LRP12: variants seen among roughly 807,000 people sequenced by gnomAD.
The protein encoded by LRP12 is LDL receptor related protein 12.
Under a neutral mutation model 66.0 loss-of-function variants are expected in LRP12, and 14 were observed. The ratio of observed to expected loss-of-function variants is 0.21; its 90% CI spans 0.14 to 0.33. The LOEUF (loss-of-function observed/expected upper bound fraction) is 0.33. LRP12 is among the 10% of genes least tolerant of loss of function. The pLI is 1.00. For missense variants in LRP12, 889 were observed against 1,053.4 expected, an observed-to-expected ratio of 0.84 and a Z score of 2.16; for synonymous variants, 357 against 359.1, an observed-to-expected ratio of 0.99 and a Z score of 0.07.
intron 2 of LRP12, among the ~76,000 whole-genome samples, chr8:104,530,983 T>C (rs1811317464): frequency 6.6e-6 from 1 of 152,172 alleles, no homozygotes; most frequent in African/African-American, 2.4e-5. Context: ...TTGGGCTTGA[T>C]GTGTTTGACT....
chr8:104,497,941 G>C lies in LRP12; in HGVS notation c.611C>G (p.Ala204Gly), dbSNP rs375879020. The C allele has an allele frequency of 1.1e-5, 18 of 1,614,102 alleles. 1 individual carries two copies. The East Asian group carries it at 1.6e-4, about 14-fold the overall frequency. ...AAAAGCAGCAGCAGTTGGAGGATTT[G>C]CTTCTTTGGCACAGATCTCTTCATC... ...SSDEEICAKEANPPTAAAFQP... is the reference protein window; with the variant it reads ...SSDEEICAKEGNPPTAAAFQP... The change falls in exon 5 of 7, where the codon GCA (alanine) becomes GGA (glycine). Residue 204 changes from alanine to glycine, a missense_variant. Ala to Gly is a moderately conservative substitution (Grantham distance 60, BLOSUM62 0). This residue lies in a region of LRP12 where 800 missense variants were observed against 964.5 expected (regional missense o/e 0.83). Transcript: ENST00000276654. This position sits in a 1 kb window ranked among gnomAD's most constrained non-coding sequence, Gnocchi z 4.3.
intron 1 of LRP12, among the ~76,000 whole-genome samples, chr8:104,543,381 T>C (rs920421709): frequency 1.3e-5 from 2 of 152,244 alleles, no homozygotes; most frequent in Non-Finnish European, 2.9e-5. Flanking sequence ...TCTGAGATCT[T>C]TGATGTTACG....
chr8:104,556,802 A>C (rs899967759), intron 1 of LRP12, among the ~76,000 whole-genome samples: 5 of 152,122 alleles, frequency 3.3e-5, no homozygotes, highest in Non-Finnish European at 7.4e-5. Context: ...AAACCAGGGA[A>C]GGACATAACA....
rs1366137706 is a variant in LRP12 at position 104,497,155 on chromosome 8, T to G, written c.1397A>C (p.Glu466Ala). ...ATCTTGAGAATCACACACCCAACTTTCAAACACACAACGATTGTTTTTACA... is the reference window on the plus strand; with the variant it reads ...ATCTTGAGAATCACACACCCAACTTGCAAACACACAACGATTGTTTTTACA... Reference protein sequence around the residue: ...FHCKNNRCVFESWVCDSQDDC... With the variant: ...FHCKNNRCVFASWVCDSQDDC... The change falls in exon 5 of 7, where the codon GAA (glutamate) becomes GCA (alanine). Residue 466 changes from glutamate to alanine, a missense_variant. Physicochemically the swap from Glu to Ala is moderately radical, Grantham distance 107. This residue lies in a region of LRP12 where 800 missense variants were observed against 964.5 expected (regional missense o/e 0.83). Transcript: ENST00000276654. This position sits in a 1 kb window ranked among gnomAD's most constrained non-coding sequence, Gnocchi z 4.3. 3 of 1,610,968 alleles carry G rather than the reference T, an allele frequency of 1.9e-6. No homozygotes were observed. The highest frequency in any genetic ancestry group is 2.5e-6 in the Non-Finnish European group (3 of 1,178,622).
intron 1 of LRP12, among the ~76,000 whole-genome samples, chr8:104,560,432 T>C (rs1347214332): frequency 1.3e-5 from 2 of 151,940 alleles, no homozygotes; most frequent in African/African-American, 4.8e-5. Flanking sequence ...AACCAAGGAA[T>C]TAGGGCATTT....
At chr8:104,504,228 C>T (rs1377216977) in intron 3 of LRP12, 1 of 151,934 alleles carries the variant, frequency 6.6e-6, no homozygotes, top group Non-Finnish European at 1.5e-5. Context: ...GACACTTTTG[C>T]TCTTTTTATC....
chr8:104,531,853 A>G (rs935307994), intron 2 of LRP12, 54 bp downstream of exon 2: 3 of 1,213,468 alleles, frequency 2.5e-6, no homozygotes, highest in African/African-American at 1.5e-5. Context: ...GTGGCTTTCA[A>G]TATTTACCAT....
chr8:104,540,802 C>T (rs1009861076), intron 1 of LRP12, among the ~76,000 whole-genome samples: 3 of 152,202 alleles, frequency 2.0e-5, no homozygotes, highest in Non-Finnish European at 4.4e-5. Flanking sequence ...GGCACGATCT[C>T]AGCTCACTGC....
intron 2 of LRP12, among the ~76,000 whole-genome samples, chr8:104,514,670 T>C (rs1424330640): frequency 6.6e-6 from 1 of 151,796 alleles, no homozygotes; most frequent in African/African-American, 2.4e-5. Flanking sequence ...AGCAAGACTT[T>C]GTCTCAAAAA....
At chr8:104,531,027 C>G (rs1450470118) in intron 2 of LRP12, among the ~76,000 whole-genome samples, 1 of 151,974 alleles carries the variant, frequency 6.6e-6, no homozygotes, top group Non-Finnish European at 1.5e-5. Context: ...TTTGTTAAGT[C>G]TATTAACTTT....
chr8:104,526,903 A>G (rs1811248327), intron 2 of LRP12, among the ~76,000 whole-genome samples: 3 of 144,684 alleles, frequency 2.1e-5, no homozygotes, highest in Admixed American at 6.7e-5. Context: ...GCAACCTACA[A>G]AATGGGAGAA....
intron 1 of LRP12, among the ~76,000 whole-genome samples, chr8:104,563,564 A>T (rs1210486200): frequency 6.6e-6 from 1 of 152,112 alleles, no homozygotes; most frequent in Non-Finnish European, 1.5e-5. Flanking sequence ...ATCCTTCCCC[A>T]AATTCATATG....
chr8:104,554,207 A>C (rs555744816), intron 1 of LRP12, among the ~76,000 whole-genome samples: 2 of 152,278 alleles, frequency 1.3e-5, no homozygotes, highest in African/African-American at 4.8e-5. Context: ...CACTATAACA[A>C]AACAAAGTTC....
intron 2 of LRP12, among the ~76,000 whole-genome samples, chr8:104,515,575 C>T (rs927329582): frequency 2.0e-5 from 3 of 152,164 alleles, no homozygotes; most frequent in African/African-American, 7.2e-5. Context: ...GAAGACATCA[C>T]ACCACTATGA....
At chr8:104,561,767 C>G (rs1205447698) in intron 1 of LRP12, among the ~76,000 whole-genome samples, 2 of 152,162 alleles carry the variant, frequency 1.3e-5, no homozygotes, top group South Asian at 2.1e-4. Context: ...CTTTTGGTCA[C>G]TGGGAGTCCC....
chr8:104,543,326 T>C (rs959693211), intron 1 of LRP12, among the ~76,000 whole-genome samples: 2 of 152,106 alleles, frequency 1.3e-5, no homozygotes, highest in Non-Finnish European at 2.9e-5. Context: ...CTTGTAATAT[T>C]TAAAACTTTT....
chr8:104,528,911 G>GA (rs769824708), intron 2 of LRP12, among the ~76,000 whole-genome samples: 2 of 152,116 alleles, frequency 1.3e-5, no homozygotes, highest in Non-Finnish European at 2.9e-5. Context: ...CTGTTAGAAA[G>GA]ATTTTGTAAG....
At chr8:104,583,026 C>T (rs7833483) in intron 1 of LRP12, among the ~76,000 whole-genome samples, 8,881 of 152,078 alleles carry the variant, frequency 0.058, 724 homozygotes, top group African/African-American at 0.19. Flanking sequence ...TCTCTATCAA[C>T]AGGGCAACCT....
chr8:104,496,610 C>G (rs1180114908), intron 5 of LRP12, among the ~76,000 whole-genome samples: 1 of 152,054 alleles, frequency 6.6e-6, no homozygotes, highest in Non-Finnish European at 1.5e-5. Flanking sequence ...TTCTATTTAC[C>G]TGTATGCTTT....
Sources: allele counts gnomAD v4.1 joint callset (sites outside exome capture counted in the v4.1 genomes callset), GRCh38; gene constraint gnomAD v4.1.1; regional missense constraint gnomAD v4.1.1; non-coding constraint Gnocchi (gnomAD v3.1); transcripts MANE v1.5; gene names NCBI Gene and HGNC (gene_info 2026-07-23, HGNC 2026-07-21).